Variants in ANPEP observed in about 807,000 individuals in gnomAD.
ANPEP encodes the protein aminopeptidase N.
In ANPEP, 70 loss-of-function variants were observed where a neutral mutation model predicts 114.6. The observed-to-expected ratio is 0.61, with a 90% CI of 0.50 to 0.75. The LOEUF is 0.75. Among genes scored for constraint, ANPEP ranks in the 30% least tolerant of loss-of-function variants. The pLI is 0.00. For missense variants in ANPEP, 1,184 were observed against 1,259.5 expected (o/e 0.94, Z 0.91); for synonymous variants, 548 against 522.3 (o/e 1.05, Z -0.67).
At chr15:89,800,979 A>C in intron 12 of ANPEP, 132 bp downstream of exon 12, 1 of 745,214 alleles carries the variant, frequency 1.3e-6, no homozygotes, top group Non-Finnish European at 2.2e-6. Flanking sequence ...AAGCAGCAGC[A>C]AAGTGGAGAT....
At position 89,803,776 on chromosome 15, in the gene ANPEP, C is replaced by T; in HGVS notation, c.1308G>A (p.Val436=). The T allele has an allele frequency of 6.2e-7, 1 of 1,607,326 alleles. No individual in the cohort carries two copies. Among genetic ancestry groups the T allele is most frequent in the Non-Finnish European group, 8.5e-7 (1 of 1,175,086 alleles). The part of the protein sequence containing the change: ...EPTWNLKDLM[V]LNDVYRVMAV... ...CCATCACGCGGTACACATCATTCAG[C>T]ACCATGAGGTCTTTCTGCAAATTCC... Residue 436 remains valine (V), a synonymous_variant, in exon 8 of 21, where the codon GTG becomes GTA. Coordinates refer to ENST00000300060, the MANE Select transcript of ANPEP (RefSeq NM_001150.3). The surrounding 1 kb of genome is among the most constrained non-coding windows in gnomAD (Gnocchi z 4.2).
In ANPEP at chr15:89,806,812, G is replaced by A. The variant is rs186497689; in HGVS notation, c.-223-6C>T. On this transcript the variant is annotated splice_region_variant and splice_polypyrimidine_tract_variant and intron_variant, in intron 1 of 20. Transcript: ENST00000300060. This position sits in a 1 kb window ranked among gnomAD's most constrained non-coding sequence, Gnocchi z 5.7. Reference sequence around the variant, plus strand: ...GAGCTGGGCTCGGGGGGTGCCTGCTGGAAGCAAACAGTGTCTGGTTACAGG... The same window carrying A: ...GAGCTGGGCTCGGGGGGTGCCTGCTAGAAGCAAACAGTGTCTGGTTACAGG... The A allele has an allele frequency of 1.6e-4, 97 of 616,568 alleles. No individual in the cohort carries two copies. The East Asian group carries it at 2.7e-3, about 17-fold the overall frequency. The allele number at this position is 616,568 out of a possible 1,614,324, so 38.2% of individuals were successfully genotyped here.
intron 15 of ANPEP, among the ~76,000 whole-genome samples, chr15:89,793,842 T>C (rs979234225): frequency 6.6e-6 from 1 of 152,222 alleles, no homozygotes; most frequent in Non-Finnish European, 1.5e-5. Context: ...ACCTTCTTTT[T>C]TCTATAGTTT....
rs114731378 is a variant in ANPEP, at chr15:89,809,119, G to A, written c.-223-2313C>T. ...TGTCAGGAAGGGCTCCAGCTTGGGC[G>A]TGGTGAGAGAAGGAGCAGTGGCTCC... On this transcript the variant is annotated intron_variant, in intron 1 of 20. Transcript: ENST00000300060. Among the ~76,000 whole-genome samples, 778 of 152,340 alleles carry A rather than the reference G, an allele frequency of 5.1e-3. 7 individuals carry two copies. Among genetic ancestry groups the A allele is most frequent in the African/African-American group, 0.018 (747 of 41,584 alleles).
intron 20 of ANPEP, 35 bp from the exon 21 acceptor site, chr15:89,785,536 G>A (rs1241901481): frequency 7.1e-6 from 11 of 1,548,418 alleles, no homozygotes; most frequent in Non-Finnish European, 9.5e-6. Context: ...AGTCCGGCTG[G>A]GTCCCTAACA....
At position 89,805,996 on chromosome 15, in the gene ANPEP, G is replaced by A. The variant is rs762188763; in HGVS notation, c.588C>T (p.Ser196=). 8 of 1,600,166 alleles carry A rather than the reference G, an allele frequency of 5.0e-6. No homozygotes were observed. The highest frequency in any genetic ancestry group is 6.8e-6 in the Non-Finnish European group (8 of 1,170,058). The change falls in exon 2 of 21, where the codon AGC becomes AGT. Residue 196 remains serine (S), a synonymous_variant. Coordinates refer to ENST00000300060, the MANE Select transcript of ANPEP (RefSeq NM_001150.3). The stretch of plus-strand genomic sequence containing the variant: ...TTCTGACATTGCCCTCCATGTACTC[G>A]CTGCGGTAGAAGCCCGCCAGGTCAT... The part of the protein sequence containing the change: ...LADDLAGFYR[S]EYMEGNVRKV...
chr15:89,797,690 T>C lies in ANPEP; in HGVS notation c.2042A>G (p.Asn681Ser). The C allele has an allele frequency of 6.2e-7, 1 of 1,614,136 alleles. No individual in the cohort carries two copies. Among genetic ancestry groups the C allele is most frequent in the Non-Finnish European group, 8.5e-7 (1 of 1,180,014 alleles). ...AHKVPVTLAL[N>S]NTLFLIEERQ... is the part of the protein sequence containing the mutation. ...CTCTTCAATCAGGAAGAGGGTGTTG[T>C]TCAGCGCCAGAGTGACAGGGACCTT... Residue 681 changes from asparagine (N) to serine (S), a missense_variant, in exon 15 of 21, where the codon AAC becomes AGC. Physicochemically the swap from Asn to Ser is conservative, Grantham distance 46. Transcript: ENST00000300060.
chr15:89,814,001 G>A (rs955077713), intron 1 of ANPEP, among the ~76,000 whole-genome samples: 1 of 151,494 alleles, frequency 6.6e-6, no homozygotes, highest in Non-Finnish European at 1.5e-5. Flanking sequence ...TGGGGGGGGG[G>A]GGTGCGTTCT....
At chr15:89,808,371 G>C (rs1275862198) in intron 1 of ANPEP, among the ~76,000 whole-genome samples, 1 of 152,242 alleles carries the variant, frequency 6.6e-6, no homozygotes, top group Non-Finnish European at 1.5e-5. Flanking sequence ...CCAGAACTCA[G>C]CGTGGTTTTC....
chr15:89,811,223 T>C (rs1567163943), intron 1 of ANPEP, among the ~76,000 whole-genome samples: 1 of 152,260 alleles, frequency 6.6e-6, no homozygotes, highest in Non-Finnish European at 1.5e-5. Context: ...ACCACCTTCG[T>C]GATCCACCTT....
chr15:89,785,566 T>C, intron 20 of ANPEP, 65 bp from the exon 21 acceptor site: 2 of 1,599,378 alleles, frequency 1.3e-6, no homozygotes, highest in South Asian at 1.1e-5. Flanking sequence ...AGGAGCTCTC[T>C]CAGGCCTCTG....
rs1894685686 is a variant in ANPEP, at chr15:89,805,258, C to T, written c.758-41G>A. 3.7e-6 allele frequency: 6 copies of T among 1,613,498 alleles called. No individual in the cohort carries two copies. The East Asian group carries it at 1.1e-4, about 30-fold the overall frequency. On this transcript the variant is annotated intron_variant, in intron 3 of 20. Transcript: ENST00000300060. ...GTGTGTGTGAGGACGTACCCTCCTG[C>T]CCCACACCCCAGCCCAGGGTGCCTG...
At chr15:89,790,709 C>T (rs1228935057) in intron 19 of ANPEP, among the ~76,000 whole-genome samples, 168 bp from the exon 20 acceptor site, 2 of 152,152 alleles carry the variant, frequency 1.3e-5, no homozygotes, top group Non-Finnish European at 2.9e-5. Context: ...GTCTGACTGC[C>T]GAGTTCCTCA....
chr15:89,802,983 A>T (rs1894626549), intron 10 of ANPEP, among the ~76,000 whole-genome samples: 1 of 152,148 alleles, frequency 6.6e-6, no homozygotes. Context: ...GGGGCTCTAC[A>T]GCTCCCATCA....
Position 89,801,467 on chromosome 15 carries a change from G to A in ANPEP, c.1710C>T (p.Pro570=), listed in dbSNP as rs141325059. 49 of 1,614,074 alleles carry A rather than the reference G, an allele frequency of 3.0e-5. 1 individual carries two copies. The highest frequency in any genetic ancestry group is 1.6e-4 in the Middle Eastern group (1 of 6,084). ...CTGAGGGGCGGGTAACATTGGAATC[G>A]GGGTCAAGGAGGAAGTGCTCCTGGG... ...TLSQEHFLLD[P]DSNVTRPSEF... The change falls in exon 11 of 21, where the codon CCC becomes CCT. Residue 570 remains proline (P), a synonymous_variant. Coordinates refer to ENST00000300060, the MANE Select transcript of ANPEP (RefSeq NM_001150.3).
At position 89,790,973 on chromosome 15, in the gene ANPEP, G is replaced by C. The variant is rs144085303; in HGVS notation, c.2649C>G (p.Asn883Lys). Residue 883 changes from asparagine (N) to lysine (K), a missense_variant, in exon 19 of 21, where the codon AAC becomes AAG. By Grantham distance (94) the Asn-to-Lys change is moderately conservative. Transcript: ENST00000300060. ...CTCACTCGTTAAAAAGCTTCTTCCA[G>C]TTGCTCTGGACAAAGTCCCAGACCA... ...QGLVWDFVQS[N>K]WKKLFNDYGG... 11 of 1,614,004 alleles carry C rather than the reference G, an allele frequency of 6.8e-6. No individual in the cohort carries two copies. The highest frequency in any genetic ancestry group is 5.3e-5 in the African/African-American group (4 of 74,920).
Position 89,785,014 on chromosome 15 carries a change from C to A in ANPEP, c.*335G>T, listed in dbSNP as rs1280009483. On this transcript the variant is annotated 3_prime_UTR_variant, in exon 21 of 21. Coordinates refer to ENST00000300060, the MANE Select transcript of ANPEP (RefSeq NM_001150.3). The stretch of plus-strand genomic sequence containing the variant: ...GGTGAAAGAGGGTACAGGGCGGCCC[C>A]CAGCAAGGCCGTTCATTGTCCATCG... 1 of 282,218 alleles carries A rather than the reference C, an allele frequency of 3.5e-6. No individual in the cohort carries two copies. The highest frequency in any genetic ancestry group is 6.8e-6 in the Non-Finnish European group (1 of 146,432). 17.5% of individuals were successfully genotyped at this position (282,218 alleles called of 1,614,324 possible). A position where few individuals can be genotyped will look rare whatever the true frequency, so the allele number is the denominator to read the frequency against.
In ANPEP at chr15:89,803,759, C is replaced by T. The variant is rs142936100; in HGVS notation, c.1325G>A (p.Arg442His). 32 of 1,608,906 alleles carry T rather than the reference C, an allele frequency of 2.0e-5. No individual in the cohort carries two copies. Among genetic ancestry groups the T allele is most frequent in the East Asian group, 2.2e-5 (1 of 44,732 alleles). ...GGCCAGTGCATCCACTGCCATCACG[C>T]GGTACACATCATTCAGCACCATGAG... Reference protein sequence around the residue: ...KDLMVLNDVYRVMAVDALASS... With the variant: ...KDLMVLNDVYHVMAVDALASS... The change falls in exon 8 of 21, where the codon CGC (arginine) becomes CAC (histidine). Residue 442 changes from arginine (R) to histidine (H), a missense_variant. By Grantham distance (29) the Arg-to-His change is conservative. Transcript: ENST00000300060. The surrounding 1 kb of genome is among the most constrained non-coding windows in gnomAD (Gnocchi z 4.2).
intron 20 of ANPEP, among the ~76,000 whole-genome samples, chr15:89,788,757 T>G (rs975809964): frequency 4.7e-5 from 7 of 147,928 alleles, no homozygotes; most frequent in African/African-American, 1.8e-4. Flanking sequence ...TGCACCACCA[T>G]GCCCAGCTTA....
Sources: allele counts gnomAD v4.1 joint callset (sites outside exome capture counted in the v4.1 genomes callset), GRCh38; gene constraint gnomAD v4.1.1; non-coding constraint Gnocchi (gnomAD v3.1); transcripts MANE v1.5; gene names NCBI Gene and HGNC (gene_info 2026-07-23, HGNC 2026-07-21).